The following CHRM3 variants were observed in gnomAD, a reference collection of about 807,000 sequenced individuals.
The protein encoded by CHRM3 is cholinergic receptor muscarinic 3, also known as muscarinic acetylcholine receptor M3.
CHRM3 carries 11 observed loss-of-function variants against 41.8 expected under a neutral mutation model. The observed-to-expected ratio is 0.26, with a 90% CI of 0.17 to 0.44. CHRM3 has a LOEUF of 0.44. Among genes scored for constraint, CHRM3 ranks in the 20% least tolerant of loss-of-function variants. CHRM3 has a pLI of 1.00. For missense variants in CHRM3, 571 were observed against 745.4 expected (o/e 0.77, Z 2.72); for synonymous variants, 297 against 301.4 (o/e 0.99, Z 0.15).
chr1:239,461,707 C>G (rs1406220955), intron 1 of CHRM3, among the ~76,000 whole-genome samples: 1 of 152,016 alleles, frequency 6.6e-6, no homozygotes, highest in Non-Finnish European at 1.5e-5. Flanking sequence ...AACATGGGCC[C>G]TTTCTCCCTG....
intron 3 of CHRM3, among the ~76,000 whole-genome samples, chr1:239,590,001 C>T (rs951278163): frequency 6.6e-6 from 1 of 151,946 alleles, no homozygotes; most frequent in African/African-American, 2.4e-5. Context: ...TTTTAAAAAT[C>T]TTCCTTTATT....
At chr1:239,641,063 A>AG (rs1339446508) in intron 4 of CHRM3, among the ~76,000 whole-genome samples, 3 of 152,302 alleles carry the variant, frequency 2.0e-5, no homozygotes, top group African/African-American at 7.2e-5. Context: ...AGTTTAATGT[A>AG]GGTGAGCGGT....
chr1:239,840,590 G>T (rs1673714301), intron 6 of CHRM3, among the ~76,000 whole-genome samples: 1 of 152,144 alleles, frequency 6.6e-6, no homozygotes. Flanking sequence ...CACCATTGAT[G>T]GATGGCAGGA....
At chr1:239,559,612 T>C (rs1354403448) in intron 3 of CHRM3, among the ~76,000 whole-genome samples, 1 of 152,184 alleles carries the variant, frequency 6.6e-6, no homozygotes, top group Non-Finnish European at 1.5e-5. Context: ...GATGATGGCT[T>C]TAACCTCAAA....
intron 5 of CHRM3, among the ~76,000 whole-genome samples, chr1:239,727,216 G>A (rs1663525728): frequency 6.6e-6 from 1 of 151,958 alleles, no homozygotes; most frequent in African/African-American, 2.4e-5. Flanking sequence ...GAGAGCTATA[G>A]TCTGCTTTGA....
chr1:239,803,954 G>T (rs1184722824), intron 5 of CHRM3, among the ~76,000 whole-genome samples: 1 of 152,192 alleles, frequency 6.6e-6, no homozygotes, highest in Non-Finnish European at 1.5e-5. Context: ...CAGACAGACT[G>T]GTTTCCTGCC....
intron 2 of CHRM3, among the ~76,000 whole-genome samples, chr1:239,498,198 T>C (rs1008569812): frequency 1.3e-5 from 2 of 152,138 alleles, no homozygotes; most frequent in Non-Finnish European, 2.9e-5. Context: ...CATATATAAG[T>C]ACATATCAAG....
chr1:239,783,404 C>T (rs977908687), intron 5 of CHRM3, among the ~76,000 whole-genome samples: 1 of 152,014 alleles, frequency 6.6e-6, no homozygotes, highest in Non-Finnish European at 1.5e-5. Context: ...AGAATGGACA[C>T]AGCTGAAGAT....
intron 1 of CHRM3, among the ~76,000 whole-genome samples, chr1:239,454,321 C>G (rs1429165954): frequency 6.6e-6 from 1 of 152,098 alleles, no homozygotes; most frequent in African/African-American, 2.4e-5. Context: ...TTTGCTTATG[C>G]TTACCCATTT....
At chr1:239,483,435 G>A (rs1262309764) in intron 1 of CHRM3, among the ~76,000 whole-genome samples, 1 of 152,098 alleles carries the variant, frequency 6.6e-6, no homozygotes, top group Non-Finnish European at 1.5e-5. Flanking sequence ...CTTCACTATT[G>A]GACTTCCCTA....
At chr1:239,679,772 T>C (rs914744310) in intron 5 of CHRM3, among the ~76,000 whole-genome samples, 2 of 152,072 alleles carry the variant, frequency 1.3e-5, no homozygotes, top group African/African-American at 2.4e-5. Context: ...ACTAAGAAAT[T>C]GCCAAATCAA....
chr1:239,509,088 G>A (rs1379148231), intron 2 of CHRM3, among the ~76,000 whole-genome samples: 1 of 152,300 alleles, frequency 6.6e-6, no homozygotes, highest in East Asian at 1.9e-4. Flanking sequence ...GTATTACAGT[G>A]ATAAGGAATT....
intron 2 of CHRM3, among the ~76,000 whole-genome samples, chr1:239,526,655 T>C (rs538990316): frequency 6.6e-6 from 1 of 152,326 alleles, no homozygotes; most frequent in South Asian, 2.1e-4. Flanking sequence ...GTGTATTGCA[T>C]AAGACTAATT....
intron 1 of CHRM3, among the ~76,000 whole-genome samples, chr1:239,404,729 T>TAC (rs1163025027): frequency 3.6e-5 from 4 of 110,534 alleles, no homozygotes; most frequent in African/African-American, 2.0e-4. Context: ...AATATATATA[T>TAC]ATATATATAT....
intron 3 of CHRM3, among the ~76,000 whole-genome samples, chr1:239,569,480 C>T (rs1049896377): frequency 2.0e-5 from 3 of 152,102 alleles, no homozygotes; most frequent in African/African-American, 4.8e-5. Flanking sequence ...ACTGCGATAA[C>T]ACAAATTAGT....
chr1:239,684,666 G>T (rs571188204), intron 5 of CHRM3, among the ~76,000 whole-genome samples: 2 of 117,024 alleles, frequency 1.7e-5, no homozygotes, highest in African/African-American at 6.5e-5. Flanking sequence ...AAAGAAAAAA[G>T]AAAGAAAAAA....
rs1680356860 is a variant in CHRM3 at position 239,911,300 on chromosome 1, C to T, written c.*2076C>T. The T allele has an allele frequency of 6.0e-6, 1 of 165,864 alleles. No individual in the cohort carries two copies. Among genetic ancestry groups the T allele is most frequent in the Admixed American group, 6.6e-5 (1 of 15,148 alleles). 10.3% of individuals were successfully genotyped at this position (165,864 alleles called of 1,614,324 possible). ...TAATTGTAAGAATGATTTTTTTGGG[C>T]CCACATTCAACCAAAGAACAAGAAA... On this transcript the variant is annotated 3_prime_UTR_variant, in exon 7 of 7. Coordinates refer to ENST00000676153, the MANE Select transcript of CHRM3 (RefSeq NM_001375978.1).
At chr1:239,389,771 T>A (rs1303074014) in intron 1 of CHRM3, among the ~76,000 whole-genome samples, 1 of 152,240 alleles carries the variant, frequency 6.6e-6, no homozygotes, top group African/African-American at 2.4e-5. Context: ...CAACATATTG[T>A]TCTTGCCTAA....
chr1:239,480,497 A>T (rs1004704289), intron 1 of CHRM3, among the ~76,000 whole-genome samples: 4 of 151,846 alleles, frequency 2.6e-5, no homozygotes, highest in Non-Finnish European at 5.9e-5. Flanking sequence ...GGTAATGCGA[A>T]ATGTAACTTT....
Sources: allele counts gnomAD v4.1 joint callset (sites outside exome capture counted in the v4.1 genomes callset), GRCh38; gene constraint gnomAD v4.1.1; transcripts MANE v1.5; gene names NCBI Gene and HGNC (gene_info 2026-07-23, HGNC 2026-07-21).